SUPT3H: variants seen among roughly 807,000 people sequenced by gnomAD.
SUPT3H encodes the protein transcription initiation protein SPT3 homolog.
SUPT3H carries 44 observed loss-of-function variants against 44.3 expected under a neutral mutation model. The observed-to-expected ratio is 0.99, with a 90% CI of 0.78 to 1.28. The LOEUF is 1.28. Ranked by LOEUF, SUPT3H falls within the 50% of genes most tolerant of loss-of-function variation. The pLI is 0.00. For synonymous variants in SUPT3H, 124 were observed against 125.6 expected, an observed-to-expected ratio of 0.99 and a Z score of 0.09; for missense variants, 380 against 387.1, an observed-to-expected ratio of 0.98 and a Z score of 0.15.
intron 1 of SUPT3H, among the ~76,000 whole-genome samples, chr6:45,375,535 A>G (rs907771002): frequency 6.6e-6 from 1 of 152,054 alleles, no homozygotes; most frequent in African/African-American, 2.4e-5. Context: ...TTCAGCCTTA[A>G]GACCAAGAGC....
Position 45,280,724 on chromosome 6 carries a change from C to A in SUPT3H, c.101+84477G>T, listed in dbSNP as rs73735342. ...ATTGTGGATAAGAGGAAACCAACTA[C>A]AGAACTCCTAGTGGCTTCACCTAGA... On this transcript the variant is annotated intron_variant, in intron 2 of 10. Transcript: ENST00000371459. 8.6e-3 allele frequency among the ~76,000 whole-genome samples: 1,313 copies of A among 152,196 alleles called. 21 individuals carry two copies. Among genetic ancestry groups the A allele is most frequent in the African/African-American group, 0.03 (1,245 of 41,470 alleles).
intron 10 of SUPT3H, among the ~76,000 whole-genome samples, chr6:44,925,884 G>GA (rs1270627298): frequency 2.0e-5 from 3 of 151,994 alleles, no homozygotes; most frequent in African/African-American, 7.2e-5. Flanking sequence ...TTTAGGTTGT[G>GA]AAAAAAATAT....
intron 2 of SUPT3H, among the ~76,000 whole-genome samples, chr6:45,119,719 G>C (rs1288004819): frequency 6.6e-6 from 1 of 151,972 alleles, no homozygotes; most frequent in Non-Finnish European, 1.5e-5. Flanking sequence ...AGAATCAAAG[G>C]GTGTATTCCT....
chr6:45,130,163 T>C (rs1374047607), intron 2 of SUPT3H, among the ~76,000 whole-genome samples: 1 of 152,162 alleles, frequency 6.6e-6, no homozygotes, highest in Admixed American at 6.6e-5. Flanking sequence ...CTCTACCCAT[T>C]AGCAGTTATT....
At chr6:45,147,150 G>A (rs1388161062) in intron 2 of SUPT3H, among the ~76,000 whole-genome samples, 1 of 152,130 alleles carries the variant, frequency 6.6e-6, no homozygotes, top group Non-Finnish European at 1.5e-5. Context: ...TTCATCAAAT[G>A]AATAAGTAGG....
intron 2 of SUPT3H, among the ~76,000 whole-genome samples, chr6:45,165,025 T>G (rs989755387): frequency 1.3e-5 from 2 of 152,178 alleles, no homozygotes; most frequent in Non-Finnish European, 2.9e-5. Context: ...AAGGCACATG[T>G]ATGCAGGGCC....
At chr6:44,836,177 T>G (rs1359200577) in intron 10 of SUPT3H, among the ~76,000 whole-genome samples, 3 of 152,168 alleles carry the variant, frequency 2.0e-5, no homozygotes, top group Admixed American at 1.3e-4. Flanking sequence ...TGAATTTCAT[T>G]AGCAAACATA....
intron 2 of SUPT3H, among the ~76,000 whole-genome samples, chr6:45,338,649 T>A (rs935594390): frequency 2.0e-5 from 3 of 152,140 alleles, no homozygotes; most frequent in Non-Finnish European, 4.4e-5. Flanking sequence ...CTTTCTCAAA[T>A]AGTTAATTTA....
At chr6:44,907,446 A>G (rs1033404498) in intron 10 of SUPT3H, among the ~76,000 whole-genome samples, 4 of 152,102 alleles carry the variant, frequency 2.6e-5, no homozygotes, top group African/African-American at 4.8e-5. Context: ...GGAGGCTGAG[A>G]CGGGCGGATC....
intron 11 of SUPT3H, among the ~76,000 whole-genome samples, chr6:44,821,242 A>C (rs1257412606): frequency 1.3e-5 from 2 of 152,214 alleles, no homozygotes; most frequent in Non-Finnish European, 2.9e-5. Flanking sequence ...CTAAACACCG[A>C]GTACTCATGG....
In SUPT3H at chr6:45,196,846, A is replaced by C. The variant is rs73735306; in HGVS notation, c.102-90840T>G. On this transcript the variant is annotated intron_variant, in intron 2 of 10. Coordinates refer to ENST00000371459, the MANE Select transcript of SUPT3H (RefSeq NM_003599.4). ...AAAGATGAGAATACAAAAATGATTC[A>C]AGAAAACATGGAGAAGATTGACTTA... Among the ~76,000 whole-genome samples, 590 of 151,990 alleles carry C rather than the reference A, an allele frequency of 3.9e-3. 7 individuals carry two copies. Among genetic ancestry groups the C allele is most frequent in the African/African-American group, 0.014 (562 of 41,556 alleles).
chr6:44,827,697 G>A lies in SUPT3H; in HGVS notation c.*2119C>T, dbSNP rs1767919524. On this transcript the variant is annotated 3_prime_UTR_variant, in exon 11 of 11. Coordinates refer to ENST00000371459, the MANE Select transcript of SUPT3H (RefSeq NM_003599.4). ...CTTCAAATTTAGTATTGTGCAAAGA[G>A]TCAGAGAAAGAACCTAAGTATAAAA... is the stretch of plus-strand genomic sequence containing the variant. Among the ~76,000 whole-genome samples the A allele has an allele frequency of 6.6e-6, 1 of 152,030 alleles. No individual in the cohort carries two copies. Among genetic ancestry groups the A allele is most frequent in the Admixed American group, 6.6e-5 (1 of 15,260 alleles).
intron 2 of SUPT3H, among the ~76,000 whole-genome samples, chr6:45,182,736 G>C (rs147492355): frequency 2.0e-5 from 3 of 152,082 alleles, no homozygotes; most frequent in African/African-American, 4.8e-5. Context: ...ATGACTTATC[G>C]TTACTTTGAA....
intron 10 of SUPT3H, among the ~76,000 whole-genome samples, chr6:44,868,355 GTTT>G (rs1273584385): frequency 6.6e-6 from 1 of 152,152 alleles, no homozygotes; most frequent in African/African-American, 2.4e-5. Context: ...CCAAGTTCAT[GTTT>G]TTCTTGCCCC....
chr6:44,859,864 T>G (rs780380702), intron 10 of SUPT3H, among the ~76,000 whole-genome samples: 5 of 152,196 alleles, frequency 3.3e-5, no homozygotes, highest in Non-Finnish European at 5.9e-5. Flanking sequence ...ATAATGTCAT[T>G]GTTTGTTATA....
chr6:45,056,950 T>C (rs12208023), intron 3 of SUPT3H, among the ~76,000 whole-genome samples: 55,341 of 151,816 alleles, frequency 0.36, 10,717 homozygotes, highest in Non-Finnish European at 0.43. Context: ...AGGCAATCAA[T>C]AAAAAGTGTC....
chr6:45,152,300 G>T (rs1271505708), intron 2 of SUPT3H, among the ~76,000 whole-genome samples: 1 of 152,098 alleles, frequency 6.6e-6, no homozygotes, highest in Non-Finnish European at 1.5e-5. Flanking sequence ...AGATCTATTA[G>T]CAAATCTTGC....
chr6:45,093,618 A>G (rs1797420005), intron 3 of SUPT3H, among the ~76,000 whole-genome samples: 1 of 152,154 alleles, frequency 6.6e-6, no homozygotes, highest in African/African-American at 2.4e-5. Flanking sequence ...TGCCAAATTA[A>G]AAAGCACAAA....
chr6:45,276,420 T>C (rs955496318), intron 2 of SUPT3H, among the ~76,000 whole-genome samples: 12 of 152,250 alleles, frequency 7.9e-5, no homozygotes, highest in African/African-American at 2.6e-4. Flanking sequence ...AAAATAGTTA[T>C]TGTTCATTTG....
Sources: allele counts gnomAD v4.1 joint callset (sites outside exome capture counted in the v4.1 genomes callset), GRCh38; gene constraint gnomAD v4.1.1; transcripts MANE v1.5; gene names NCBI Gene and HGNC (gene_info 2026-07-23, HGNC 2026-07-21).